RIPOR3: variants seen among roughly 807,000 people sequenced by gnomAD.
RIPOR3 encodes the protein family with sequence similarity 65 member C.
RIPOR3 carries 95 observed loss-of-function variants against 114.3 expected under a neutral mutation model. The observed-to-expected ratio is 0.83, with a 90% confidence interval of 0.70 to 0.99. RIPOR3 has a LOEUF of 0.99. RIPOR3 is among the 50% of genes least tolerant of loss of function. RIPOR3 has a pLI of 0.00. For synonymous variants in RIPOR3, 575 were observed against 543.8 expected, an observed-to-expected ratio of 1.06 and a Z score of -0.80; for missense variants, 1,252 against 1,266.9, an observed-to-expected ratio of 0.99 and a Z score of 0.18.
chr20:50,601,943 C>G (rs1048165868), intron 13 of RIPOR3, 129 bp downstream of exon 13: 1 of 884,840 alleles, frequency 1.1e-6, no homozygotes, highest in Non-Finnish European at 1.7e-6. Flanking sequence ...CAGAGAGACA[C>G]GGCCCACCCA....
In RIPOR3 at chr20:50,601,462, TAAAAG is replaced by T. The variant is rs1436823678; in HGVS notation, c.1659+605_1659+609del. ...TCTCAAAAAATAAATACATAAAAAA[TAAAAG>T]AGCGTGTTCAGGGAAGGACACCCTT... is the stretch of plus-strand genomic sequence containing the variant. On this transcript the variant is annotated intron_variant, in intron 13 of 21. Transcript: ENST00000327979. Among the ~76,000 whole-genome samples, 5 of 152,184 alleles carry T rather than the reference TAAAAG, an allele frequency of 3.3e-5. No homozygotes were observed. The East Asian group carries it at 7.7e-4, about 24-fold the overall frequency.
intron 2 of RIPOR3, among the ~76,000 whole-genome samples, chr20:50,627,161 G>C (rs1257352956): frequency 1.3e-5 from 2 of 151,778 alleles, no homozygotes. Context: ...CTGGGTGACA[G>C]AGCAAGACTC....
chr20:50,626,036 C>T (rs2084606266), intron 2 of RIPOR3, among the ~76,000 whole-genome samples: 1 of 152,244 alleles, frequency 6.6e-6, no homozygotes, highest in South Asian at 2.1e-4. Flanking sequence ...CCTCTCCATG[C>T]AGAGCCCTGC....
chr20:50,666,739 T>C (rs1318132887), intron 1 of RIPOR3, among the ~76,000 whole-genome samples: 2 of 152,006 alleles, frequency 1.3e-5, no homozygotes, highest in Non-Finnish European at 2.9e-5. Context: ...TTTTGTATTT[T>C]TTGTAGCAAT....
chr20:50,657,926 T>A (rs780434571), intron 1 of RIPOR3, among the ~76,000 whole-genome samples: 29 of 151,968 alleles, frequency 1.9e-4, no homozygotes, highest in South Asian at 4.2e-4. Flanking sequence ...TGGCTAATTT[T>A]TTTTTATTTT....
intron 13 of RIPOR3, among the ~76,000 whole-genome samples, chr20:50,599,322 G>A (rs1268991220): frequency 2.6e-5 from 4 of 152,056 alleles, no homozygotes; most frequent in Non-Finnish European, 5.9e-5. Flanking sequence ...AACCCAGGAG[G>A]TGGAGGTTGC....
At chr20:50,603,396 G>A (rs2083576203) in intron 12 of RIPOR3, among the ~76,000 whole-genome samples, 1 of 152,088 alleles carries the variant, frequency 6.6e-6, no homozygotes, top group African/African-American at 2.4e-5. Flanking sequence ...ACTCCATGAC[G>A]CCTGGCTAAT....
At chr20:50,642,377 T>TGTGA (rs1371716545) in intron 1 of RIPOR3, among the ~76,000 whole-genome samples, 27 of 147,792 alleles carry the variant, frequency 1.8e-4, no homozygotes, top group African/African-American at 6.8e-4. Flanking sequence ...TGTGTGTGTG[T>TGTGA]GAGAGAGAGA....
intron 1 of RIPOR3, among the ~76,000 whole-genome samples, chr20:50,668,240 A>G (rs2086326823): frequency 6.6e-6 from 1 of 152,110 alleles, no homozygotes; most frequent in South Asian, 2.1e-4. Flanking sequence ...GAGTCTGTTG[A>G]CAGAGGCACC....
At chr20:50,616,340 TCTTTA>T (rs895779197) in intron 3 of RIPOR3, among the ~76,000 whole-genome samples, 64 of 152,256 alleles carry the variant, frequency 4.2e-4, no homozygotes, top group African/African-American at 1.5e-3. Context: ...TTTCTTTCTT[TCTTTA>T]CTTATTTATT....
chr20:50,611,852 A>G (rs530248183), intron 4 of RIPOR3, among the ~76,000 whole-genome samples: 3 of 152,290 alleles, frequency 2.0e-5, no homozygotes, highest in South Asian at 2.1e-4. Flanking sequence ...GGCCAGGCGC[A>G]GTGGCTCACG....
chr20:50,652,607 A>AAAAAAAG (rs1283619063), intron 1 of RIPOR3, among the ~76,000 whole-genome samples: 1 of 150,172 alleles, frequency 6.7e-6, no homozygotes, highest in Non-Finnish European at 1.5e-5. Flanking sequence ...AAAAAAAAAA[A>AAAAAAAG]AAAAAAGAAA....
At chr20:50,681,233 AAAAAAAAAAGAAAAG>A (rs2123606585) in intron 1 of RIPOR3, among the ~76,000 whole-genome samples, 1 of 114,574 alleles carries the variant, frequency 8.7e-6, no homozygotes, top group African/African-American at 3.0e-5. Flanking sequence ...TCAAAAAAAA[AAAAAAAAAAGAAAAG>A]AAAAGAAAAG....
chr20:50,617,165 T>A (rs2084208283), intron 3 of RIPOR3, among the ~76,000 whole-genome samples: 1 of 152,034 alleles, frequency 6.6e-6, no homozygotes, highest in Non-Finnish European at 1.5e-5. Context: ...GGGGGGCGTC[T>A]AGATTTGGGG....
At chr20:50,672,866 A>G (rs2086565053) in intron 1 of RIPOR3, among the ~76,000 whole-genome samples, 1 of 152,206 alleles carries the variant, frequency 6.6e-6, no homozygotes, top group Non-Finnish European at 1.5e-5. Context: ...ATGTGAGCAG[A>G]AGGGGATGTG....
intron 4 of RIPOR3, among the ~76,000 whole-genome samples, chr20:50,615,540 A>C (rs1280978975): frequency 1.3e-5 from 2 of 151,456 alleles, no homozygotes; most frequent in Non-Finnish European, 2.9e-5. Flanking sequence ...AAAAAAAAAA[A>C]AAAAAAGACA....
intron 11 of RIPOR3, among the ~76,000 whole-genome samples, chr20:50,605,939 C>T (rs923802109): frequency 5.9e-5 from 9 of 152,180 alleles, no homozygotes; most frequent in Non-Finnish European, 1.2e-4. Flanking sequence ...CGTGGTGGCT[C>T]ATGCCTGTAA....
chr20:50,611,310 C>T, intron 4 of RIPOR3, 106 bp from the exon 5 acceptor site: 10 of 1,482,914 alleles, frequency 6.7e-6, no homozygotes, highest in Non-Finnish European at 8.4e-6. Flanking sequence ...AGTCAGAGGA[C>T]AGAAAGCCAT....
intron 1 of RIPOR3, among the ~76,000 whole-genome samples, chr20:50,641,588 G>C (rs1600661353): frequency 6.6e-6 from 1 of 152,132 alleles, no homozygotes; most frequent in African/African-American, 2.4e-5. Context: ...AAGATGCTCG[G>C]TGCCCAGGGA....
Sources: gnomAD v4.1 joint callset for allele counts (sites outside exome capture counted in the v4.1 genomes callset) on GRCh38, gnomAD v4.1.1 for gene constraint, MANE v1.5 for transcripts, NCBI Gene and HGNC (gene_info 2026-07-23, HGNC 2026-07-21) for gene names.